The following DTHD1 variants were observed in gnomAD, a reference collection of about 807,000 sequenced individuals.
The protein encoded by DTHD1 is death domain-containing protein 1.
DTHD1 carries 59 observed loss-of-function variants against 74.8 expected under a neutral mutation model. The ratio of observed to expected loss-of-function variants is 0.79; its 90% CI spans 0.64 to 0.98. DTHD1 has a LOEUF of 0.98. DTHD1 is among the 50% of genes least tolerant of loss of function. The probability of loss-of-function intolerance (pLI) is 0.00; values close to 1 mark genes in which losing one functional copy is unlikely to be tolerated. For missense variants in DTHD1, 1,051 were observed against 1,065.4 expected (o/e 0.99, Z 0.19); for synonymous variants, 365 against 371.1 (o/e 0.98, Z 0.19).
intron 2 of DTHD1, among the ~76,000 whole-genome samples, chr4:36,288,993 T>C (rs1240098900): frequency 6.6e-6 from 1 of 152,234 alleles, no homozygotes; most frequent in Non-Finnish European, 1.5e-5. Context: ...TCCTTCTAAC[T>C]ATGAGTTTAG....
rs999225192 is a variant in DTHD1 at position 36,344,278 on chromosome 4, C to T, written c.*454C>T. The T allele has an allele frequency of 2.0e-4, 33 of 164,624 alleles. No homozygotes were observed. The highest frequency in any genetic ancestry group is 6.3e-4 in the African/African-American group (26 of 41,480). 10.2% of individuals were successfully genotyped at this position (164,624 alleles called of 1,614,324 possible). ...ATTTTGCCAAGGTTAAGGACAGGCC[C>T]GTAACAGCCTCAGAAGATCCTGATG... On this transcript the variant is annotated 3_prime_UTR_variant, in exon 10 of 10. Transcript: ENST00000639862.
At chr4:36,313,502 C>T (rs1019832500) in intron 7 of DTHD1, among the ~76,000 whole-genome samples, 3 of 150,916 alleles carry the variant, frequency 2.0e-5, no homozygotes, top group Non-Finnish European at 2.9e-5. Context: ...GGCCAGGAGT[C>T]TTTAAAATAT....
chr4:36,322,778 G>A (rs1382783537), intron 8 of DTHD1, among the ~76,000 whole-genome samples: 1 of 152,186 alleles, frequency 6.6e-6, no homozygotes, highest in Non-Finnish European at 1.5e-5. Context: ...TCTTTCTGAA[G>A]TTGTGCCTCA....
intron 8 of DTHD1, among the ~76,000 whole-genome samples, chr4:36,326,082 C>T (rs139895225): frequency 6.6e-6 from 1 of 152,080 alleles, no homozygotes; most frequent in African/African-American, 2.4e-5. Context: ...CCCCAACTAA[C>T]ATATTTTGCT....
chr4:36,315,619 G>GA (rs1484301106), intron 7 of DTHD1: 1 of 152,188 alleles, frequency 6.6e-6, no homozygotes, highest in Admixed American at 6.5e-5. Flanking sequence ...TAGGGGAAAG[G>GA]AAAAAGATAA....
At chr4:36,318,577 A>G (rs1757862630) in intron 8 of DTHD1, among the ~76,000 whole-genome samples, 1 of 150,248 alleles carries the variant, frequency 6.7e-6, no homozygotes, top group Non-Finnish European at 1.5e-5. Flanking sequence ...GTGTACATCT[A>G]TCAGTTTTGC....
chr4:36,282,049 G>C lies in DTHD1; in HGVS notation c.271+20G>C, dbSNP rs754847319. On this transcript the variant is annotated intron_variant, in intron 1 of 9. Coordinates refer to ENST00000639862, the MANE Select transcript of DTHD1 (RefSeq NM_001170700.3). The stretch of plus-strand genomic sequence containing the variant: ...GAAAAGGCAAGTATTCTTTTTTTTA[G>C]TTTATTCTTTCTCTAAGAAATATTG... The C allele has an allele frequency of 2.8e-5, 42 of 1,514,890 alleles. No homozygotes were observed. The highest frequency in any genetic ancestry group is 3.7e-5 in the Non-Finnish European group (42 of 1,126,932). 93.8% of individuals were successfully genotyped at this position (1,514,890 alleles called of 1,614,324 possible).
chr4:36,297,362 A>C (rs1756493123), intron 5 of DTHD1, among the ~76,000 whole-genome samples: 1 of 152,226 alleles, frequency 6.6e-6, no homozygotes, highest in African/African-American at 2.4e-5. Flanking sequence ...ATAACACCAT[A>C]TCATCTATCT....
At chr4:36,313,026 A>C (rs1015977537) in intron 7 of DTHD1, among the ~76,000 whole-genome samples, 4 of 152,210 alleles carry the variant, frequency 2.6e-5, no homozygotes, top group Non-Finnish European at 4.4e-5. Flanking sequence ...ACACTGAGCC[A>C]GTGGTTCTCA....
intron 5 of DTHD1, among the ~76,000 whole-genome samples, chr4:36,301,296 T>C (rs1312247596): frequency 6.6e-6 from 1 of 152,216 alleles, no homozygotes; most frequent in Non-Finnish European, 1.5e-5. Flanking sequence ...TGGGAGCTTC[T>C]ATGTTCATTA....
At chr4:36,315,745 A>C (rs1217724286) in intron 7 of DTHD1, 1 of 152,292 alleles carries the variant, frequency 6.6e-6, no homozygotes, top group African/African-American at 2.4e-5. Flanking sequence ...TTGATTTAGA[A>C]GCAGCCAGAG....
intron 3 of DTHD1, among the ~76,000 whole-genome samples, chr4:36,292,567 C>T (rs1756145535): frequency 6.6e-6 from 1 of 152,116 alleles, no homozygotes; most frequent in African/African-American, 2.4e-5. Flanking sequence ...CTTTCTTTTT[C>T]ACCTCTCACA....
chr4:36,317,705 C>A (rs1460541108), intron 8 of DTHD1, among the ~76,000 whole-genome samples: 2 of 152,098 alleles, frequency 1.3e-5, no homozygotes, highest in African/African-American at 4.8e-5. Flanking sequence ...CAAAACAATA[C>A]ACAAAATTAC....
intron 2 of DTHD1, among the ~76,000 whole-genome samples, chr4:36,288,914 T>G (rs1755888274): frequency 1.3e-5 from 2 of 152,188 alleles, no homozygotes; most frequent in Admixed American, 1.3e-4. Flanking sequence ...GTTTCTCATT[T>G]TCTGAATTAT....
chr4:36,284,093 G>A lies in DTHD1; in HGVS notation c.389G>A (p.Cys130Tyr). 1 of 1,537,212 alleles carries A rather than the reference G, an allele frequency of 6.5e-7. No individual in the cohort carries two copies. Among genetic ancestry groups the A allele is most frequent in the Non-Finnish European group, 8.7e-7 (1 of 1,146,884 alleles). Residue 130 changes from cysteine to tyrosine, a missense_variant, in exon 2 of 10, where the codon TGT (cysteine) becomes TAT (tyrosine). Cys to Tyr is a radical substitution (Grantham distance 194). Transcript: ENST00000639862. ...ICNLCGMHDE[C>Y]TPQQTMSSIQ... is the part of the protein sequence containing the mutation. ...AATTTATGCGGCATGCATGATGAATGTACTCCACAGCAGACAATGTCCTCC... is the reference window on the plus strand; with the variant it reads ...AATTTATGCGGCATGCATGATGAATATACTCCACAGCAGACAATGTCCTCC...
chr4:36,310,203 T>C (rs187039903), intron 7 of DTHD1, among the ~76,000 whole-genome samples: 1 of 152,072 alleles, frequency 6.6e-6, no homozygotes, highest in African/African-American at 2.4e-5. Flanking sequence ...AATGATTATA[T>C]GACAGTGATG....
At chr4:36,337,078 T>C (rs1462504407) in intron 8 of DTHD1, among the ~76,000 whole-genome samples, 1 of 152,126 alleles carries the variant, frequency 6.6e-6, no homozygotes, top group Non-Finnish European at 1.5e-5. Flanking sequence ...TGGCTGACTG[T>C]TCTGCTTGTA....
At chr4:36,314,554 C>T (rs1015852527) in intron 7 of DTHD1, among the ~76,000 whole-genome samples, 2 of 150,006 alleles carry the variant, frequency 1.3e-5, no homozygotes, top group Non-Finnish European at 3.0e-5. Flanking sequence ...TGGTGGCCCA[C>T]ATTTATAGTC....
chr4:36,309,068 C>G (rs569672086), intron 7 of DTHD1, among the ~76,000 whole-genome samples: 1 of 152,086 alleles, frequency 6.6e-6, no homozygotes, highest in Non-Finnish European at 1.5e-5. Context: ...TTATATTTTT[C>G]AAAGACTACT....
Sources: allele counts gnomAD v4.1 joint callset (sites outside exome capture counted in the v4.1 genomes callset), GRCh38; gene constraint gnomAD v4.1.1; transcripts MANE v1.5; gene names NCBI Gene and HGNC (gene_info 2026-07-23, HGNC 2026-07-21).